The following SLC4A4 variants were observed in gnomAD, a reference collection of about 807,000 sequenced individuals.
The protein encoded by SLC4A4 is solute carrier family 4 member 4.
A neutral mutation model predicts 111.5 loss-of-function variants in SLC4A4; 27 were observed. The ratio of observed to expected loss-of-function variants is 0.24; its 90% CI spans 0.18 to 0.33. The LOEUF (loss-of-function observed/expected upper bound fraction) is 0.33. Among genes scored for constraint, SLC4A4 ranks in the 10% least tolerant of loss-of-function variants. The pLI is 1.00. For synonymous variants in SLC4A4, 443 were observed against 463.4 expected (o/e 0.96, Z 0.57); for missense variants, 909 against 1,315.5 (o/e 0.69, Z 4.78).
At chr4:71,313,647 T>G (rs1407138230) in intron 3 of SLC4A4, among the ~76,000 whole-genome samples, 3 of 151,950 alleles carry the variant, frequency 2.0e-5, no homozygotes, top group Non-Finnish European at 4.4e-5. Flanking sequence ...TCTTTGAGAC[T>G]GTACAAAAAC....
intron 2 of SLC4A4, among the ~76,000 whole-genome samples, chr4:71,136,280 C>A (rs1383740546): frequency 6.6e-6 from 1 of 152,230 alleles, no homozygotes; most frequent in Non-Finnish European, 1.5e-5. Flanking sequence ...TGGATTCAAG[C>A]CTGATGTAGT....
chr4:71,383,883 TCTC>T (rs1366119631), intron 6 of SLC4A4, among the ~76,000 whole-genome samples: 3 of 152,170 alleles, frequency 2.0e-5, no homozygotes, highest in Admixed American at 2.0e-4. Context: ...CATGCTGTCT[TCTC>T]CTCTACTGCC....
chr4:71,494,766 AG>A (rs1295648781), intron 15 of SLC4A4, among the ~76,000 whole-genome samples: 2 of 152,084 alleles, frequency 1.3e-5, no homozygotes, highest in Admixed American at 6.6e-5. Context: ...TCCTGTATTA[AG>A]GCCAGAGGAG....
intron 3 of SLC4A4, among the ~76,000 whole-genome samples, chr4:71,274,891 C>T (rs1312877271): frequency 3.3e-5 from 5 of 152,116 alleles, no homozygotes; most frequent in African/African-American, 1.2e-4. Context: ...AGTTGCCAGA[C>T]CTTCTCCAAA....
At chr4:71,549,134 A>G (rs1406659309) in intron 20 of SLC4A4, among the ~76,000 whole-genome samples, 1 of 151,900 alleles carries the variant, frequency 6.6e-6, no homozygotes, top group Non-Finnish European at 1.5e-5. Flanking sequence ...TACAGAGCTT[A>G]TGTTCTGCAG....
At chr4:71,119,681 G>C (rs1365824190) in intron 2 of SLC4A4, among the ~76,000 whole-genome samples, 1 of 152,090 alleles carries the variant, frequency 6.6e-6, no homozygotes, top group African/African-American at 2.4e-5. Flanking sequence ...CTTGAATCTG[G>C]CTTGAAATCT....
chr4:71,185,591 G>T (rs1400052229), upstream of SLC4A4, among the ~76,000 whole-genome samples: 2 of 152,128 alleles, frequency 1.3e-5, no homozygotes, highest in Admixed American at 1.3e-4. Context: ...CATCAGATTG[G>T]CGTGTTTCCT....
intron 2 of SLC4A4, among the ~76,000 whole-genome samples, chr4:71,244,773 C>CTTTT (rs11440449): frequency 2.1e-5 from 3 of 146,010 alleles, no homozygotes; most frequent in Non-Finnish European, 1.5e-5. Context: ...ATGGACCATG[C>CTTTT]TTTTTTTTTT....
chr4:71,227,989 G>T (rs1012725010), intron 1 of SLC4A4, among the ~76,000 whole-genome samples: 1 of 152,200 alleles, frequency 6.6e-6, no homozygotes, highest in African/African-American at 2.4e-5. Flanking sequence ...CTTTGTGGAA[G>T]CACGTGAAAT....
intron 2 of SLC4A4, among the ~76,000 whole-genome samples, chr4:71,144,871 T>C (rs1196932264): frequency 6.6e-6 from 1 of 152,208 alleles, no homozygotes; most frequent in Non-Finnish European, 1.5e-5. Context: ...GTTTTCTAGA[T>C]ATACAATCAT....
At chr4:71,178,927 C>T (rs1398089508) in intron 2 of SLC4A4, among the ~76,000 whole-genome samples, 1 of 152,138 alleles carries the variant, frequency 6.6e-6, no homozygotes, top group African/African-American at 2.4e-5. Context: ...ACCAATATCC[C>T]TGATGAACAT....
At chr4:71,117,155 T>A (rs1743291896) in intron 2 of SLC4A4, among the ~76,000 whole-genome samples, 1 of 152,094 alleles carries the variant, frequency 6.6e-6, no homozygotes, top group Non-Finnish European at 1.5e-5. Flanking sequence ...TTATTTTTTA[T>A]CTTTAATTTA....
At chr4:71,101,933 C>G (rs1413796557) in intron 2 of SLC4A4, among the ~76,000 whole-genome samples, 2 of 151,864 alleles carry the variant, frequency 1.3e-5, no homozygotes, top group Admixed American at 6.6e-5. Context: ...ATGACTTTGG[C>G]GAGCTGAGAG....
intron 18 of SLC4A4, among the ~76,000 whole-genome samples, chr4:71,537,350 A>G (rs865967072): frequency 3.3e-5 from 5 of 149,678 alleles, no homozygotes; most frequent in African/African-American, 1.3e-4. Context: ...TTATACATAT[A>G]TGTGTATATA....
At chr4:71,529,674 A>G (rs1733746836) in intron 16 of SLC4A4, among the ~76,000 whole-genome samples, 1 of 152,156 alleles carries the variant, frequency 6.6e-6, no homozygotes, top group East Asian at 1.9e-4. Context: ...AATTTCTACC[A>G]AAGAATTGCA....
chr4:71,173,830 TTGTGAAGG>T (rs757587057), intron 2 of SLC4A4, among the ~76,000 whole-genome samples: 3 of 152,160 alleles, frequency 2.0e-5, no homozygotes, highest in Non-Finnish European at 1.5e-5. Flanking sequence ...ATATAGCTTC[TTGTGAAGG>T]TGAAAGTAAT....
At chr4:71,411,726 T>A (rs941020644) in intron 7 of SLC4A4, among the ~76,000 whole-genome samples, 4 of 152,248 alleles carry the variant, frequency 2.6e-5, no homozygotes, top group Non-Finnish European at 5.9e-5. Context: ...AGTTTGCCTG[T>A]CTGTGGTCTA....
chr4:71,300,902 G>A (rs1218488560), intron 3 of SLC4A4: 1 of 519,406 alleles, frequency 1.9e-6, no homozygotes, highest in Non-Finnish European at 4.0e-6. Context: ...GGTAGGTGCT[G>A]GGGTCCATGT....
chr4:71,189,739 G>GCGTCCTGAGAGACT (rs1745649143), intron 1 of SLC4A4, among the ~76,000 whole-genome samples: 2 of 152,214 alleles, frequency 1.3e-5, no homozygotes. Context: ...TAGAGGAGAA[G>GCGTCCTGAGAGACT]CGTCCTGAGA....
Sources: gnomAD v4.1 joint callset for allele counts (sites outside exome capture counted in the v4.1 genomes callset) on GRCh38, gnomAD v4.1.1 for gene constraint, MANE v1.5 for transcripts, NCBI Gene and HGNC (gene_info 2026-07-23, HGNC 2026-07-21) for gene names.